DOCK3: variants seen among roughly 807,000 people sequenced by gnomAD.
The protein encoded by DOCK3 is dedicator of cytokinesis protein 3.
DOCK3 carries 60 observed loss-of-function variants against 265.6 expected under a neutral mutation model. That is an observed-to-expected ratio of 0.23 (90% CI 0.18 to 0.28). The LOEUF (loss-of-function observed/expected upper bound fraction) is 0.28, where lower values mean the gene tolerates loss of function less well. Among genes scored for constraint, DOCK3 ranks in the 10% least tolerant of loss-of-function variants. DOCK3 has a pLI of 1.00. For missense variants in DOCK3, 1,981 were observed against 2,594.3 expected, an observed-to-expected ratio of 0.76 and a Z score of 5.14; for synonymous variants, 881 against 938.0, an observed-to-expected ratio of 0.94 and a Z score of 1.11.
intron 6 of DOCK3, among the ~76,000 whole-genome samples, chr3:51,068,357 G>A (rs1045520696): frequency 1.3e-5 from 2 of 151,694 alleles, no homozygotes; most frequent in African/African-American, 2.4e-5. Context: ...TGGCTAACAC[G>A]GTGAAACCCT....
intron 2 of DOCK3, among the ~76,000 whole-genome samples, chr3:50,802,851 A>G (rs1229528467): frequency 2.0e-5 from 3 of 151,894 alleles, no homozygotes; most frequent in African/African-American, 4.8e-5. Context: ...ATTTTCTTCT[A>G]TTATTTCATT....
chr3:50,928,582 T>C (rs1373895692), intron 4 of DOCK3, among the ~76,000 whole-genome samples: 1 of 152,246 alleles, frequency 6.6e-6, no homozygotes, highest in African/African-American at 2.4e-5. Context: ...TAGTTTTCGT[T>C]TGCAAGTTTC....
At chr3:51,276,342 C>T in intron 25 of DOCK3, 1 of 985,066 alleles carries the variant, frequency 1.0e-6, no homozygotes, top group East Asian at 1.1e-4. Context: ...ATAAGATCTA[C>T]TCATAGCCCA....
chr3:51,366,743 T>C (rs921122460), intron 49 of DOCK3, among the ~76,000 whole-genome samples: 4 of 152,266 alleles, frequency 2.6e-5, no homozygotes, highest in African/African-American at 9.6e-5. Flanking sequence ...CATTTCGTTA[T>C]GTACCCAGTA....
intron 22 of DOCK3, among the ~76,000 whole-genome samples, chr3:51,249,135 C>A (rs1318288291): frequency 7.7e-5 from 11 of 143,768 alleles, no homozygotes; most frequent in South Asian, 2.3e-4. Flanking sequence ...CCAGCCGCCC[C>A]GTCCGGGAGG....
chr3:51,298,615 A>G (rs952136505), intron 27 of DOCK3, among the ~76,000 whole-genome samples: 2 of 151,836 alleles, frequency 1.3e-5, no homozygotes, highest in Non-Finnish European at 2.9e-5. Flanking sequence ...CCCTGTGTCC[A>G]TGTGATCTCA....
chr3:50,777,481 G>A (rs1396107676), intron 1 of DOCK3, among the ~76,000 whole-genome samples: 2 of 152,000 alleles, frequency 1.3e-5, no homozygotes, highest in African/African-American at 4.8e-5. Flanking sequence ...GAATTGCATC[G>A]AATCTGTAGA....
At chr3:50,937,898 C>A (rs1004079867) in intron 5 of DOCK3, among the ~76,000 whole-genome samples, 11 of 151,506 alleles carry the variant, frequency 7.3e-5, no homozygotes, top group Non-Finnish European at 1.5e-4. Context: ...AGACTTAAAT[C>A]CTAATATATG....
intron 3 of DOCK3, among the ~76,000 whole-genome samples, chr3:50,880,354 G>T (rs531899772): frequency 2.6e-5 from 4 of 152,196 alleles, no homozygotes; most frequent in Non-Finnish European, 5.9e-5. Context: ...TTTTTGAAAA[G>T]ATGAACGAAA....
At chr3:50,888,983 G>A (rs889845263) in intron 3 of DOCK3, among the ~76,000 whole-genome samples, 14 of 151,506 alleles carry the variant, frequency 9.2e-5, no homozygotes, top group Non-Finnish European at 1.6e-4. Flanking sequence ...ACTCATTACT[G>A]TAGTCTAATT....
rs557340679 is a variant in DOCK3, at chr3:50,865,690, A to G, written c.162+23975A>G. On this transcript the variant is annotated intron_variant, in intron 3 of 52. Transcript: ENST00000266037. ...ACCAGCAGTGGGATTGCTGGATCATATAGTAACTCTAGTTTTAGTTGTTGG... is the reference window on the plus strand; with the variant it reads ...ACCAGCAGTGGGATTGCTGGATCATGTAGTAACTCTAGTTTTAGTTGTTGG... Among the ~76,000 whole-genome samples, 4 of 152,300 alleles carry G rather than the reference A, an allele frequency of 2.6e-5. No homozygotes were observed. In the South Asian group the frequency reaches 6.2e-4, roughly 24 times the overall value.
intron 12 of DOCK3, among the ~76,000 whole-genome samples, chr3:51,168,620 A>G (rs1269670694): frequency 1.3e-5 from 2 of 152,172 alleles, no homozygotes; most frequent in African/African-American, 4.8e-5. Context: ...TAAGCATGAA[A>G]CCCGAAACTA....
chr3:50,982,306 T>C (rs925223319), intron 5 of DOCK3, among the ~76,000 whole-genome samples: 3 of 152,210 alleles, frequency 2.0e-5, no homozygotes, highest in African/African-American at 7.2e-5. Flanking sequence ...TTGTTAATTG[T>C]TTGCTGGTTA....
At chr3:50,889,894 A>T in intron 3 of DOCK3, 132 bp from the exon 4 acceptor site, 1 of 624,652 alleles carries the variant, frequency 1.6e-6, no homozygotes, top group Non-Finnish European at 2.5e-6. Context: ...CTGCATACTT[A>T]ATATGCAAAG....
chr3:51,020,618 C>T (rs2079542482), intron 5 of DOCK3, among the ~76,000 whole-genome samples: 1 of 151,866 alleles, frequency 6.6e-6, no homozygotes, highest in African/African-American at 2.4e-5. Context: ...ACCTTGAAGT[C>T]TTTAATCCAC....
intron 32 of DOCK3, among the ~76,000 whole-genome samples, chr3:51,328,122 T>C (rs1422852378): frequency 6.6e-6 from 1 of 152,154 alleles, no homozygotes; most frequent in African/African-American, 2.4e-5. Flanking sequence ...GCCTGAGAAT[T>C]TTAATTTCTA....
Position 51,225,507 on chromosome 3 carries a change from T to G in DOCK3, c.1253-142T>G, listed in dbSNP as rs1180757803. 2.3e-6 allele frequency: 3 copies of G among 1,304,440 alleles called. 1 individual carries two copies. In the East Asian group the frequency reaches 7.5e-5, roughly 33 times the overall value. 80.8% of individuals were successfully genotyped at this position (1,304,440 alleles called of 1,614,324 possible). ...TGCTGCTGCACTGATACTGGTAGAA[T>G]GTCCATCATTATTAACCAAGCTTGG... On this transcript the variant is annotated intron_variant, in intron 14 of 52. Transcript: ENST00000266037.
chr3:51,090,341 G>A lies in DOCK3; in HGVS notation c.703G>A (p.Val235Ile). ...TYNTIGEDTD[V>I]FFSLYDMREG... Reference sequence around the variant, plus strand: ...CAATACTATTGGGGAAGATACCGATGTCTTCTTTTCCTTATATGACATGAG... The same window carrying A: ...CAATACTATTGGGGAAGATACCGATATCTTCTTTTCCTTATATGACATGAG... Residue 235 changes from valine (V) to isoleucine (I), a missense_variant, in exon 9 of 53, where the codon GTC (valine) becomes ATC (isoleucine). By Grantham distance (29) the Val-to-Ile change is conservative. Coordinates refer to ENST00000266037, the MANE Select transcript of DOCK3 (RefSeq NM_004947.5). The A allele has an allele frequency of 6.2e-7, 1 of 1,606,238 alleles. No homozygotes were observed. Among genetic ancestry groups the A allele is most frequent in the Non-Finnish European group, 8.5e-7 (1 of 1,176,270 alleles).
At chr3:51,312,758 G>A (rs1404714269) in intron 30 of DOCK3, 86 bp from the exon 31 acceptor site, 1 of 1,410,264 alleles carries the variant, frequency 7.1e-7, no homozygotes, top group Admixed American at 2.0e-5. Context: ...AACAAACAGT[G>A]CTGAAGTCCT....
Sources: allele counts gnomAD v4.1 joint callset (sites outside exome capture counted in the v4.1 genomes callset), GRCh38; gene constraint gnomAD v4.1.1; transcripts MANE v1.5; gene names NCBI Gene and HGNC (gene_info 2026-07-23, HGNC 2026-07-21).